Variants in CTSB observed in about 807,000 individuals in gnomAD.
The protein encoded by CTSB is APP secretase.
CTSB carries 57 observed loss-of-function variants against 44.3 expected under a neutral mutation model. The observed-to-expected ratio is 1.29, with a 90% CI of 1.04 to 1.60. The LOEUF is 1.60. Ranked by LOEUF, CTSB falls within the 40% of genes most tolerant of loss-of-function variation. The probability of loss-of-function intolerance (pLI) is 0.00; values close to 1 mark genes in which losing one functional copy is unlikely to be tolerated. For synonymous variants in CTSB, 320 were observed against 168.0 expected, an observed-to-expected ratio of 1.91 and a Z score of -7.00; for missense variants, 768 against 443.0, an observed-to-expected ratio of 1.73 and a Z score of -6.59.
At position 11,843,885 on chromosome 8, in the gene CTSB, A is replaced by T. The variant is rs756798200; in HGVS notation, c.*1240T>A. ...GTATGTACTTAAAAATACAAAAATT[A>T]CCCAGGCATATTGGTGAGTGCCTGT... On this transcript the variant is annotated 3_prime_UTR_variant, in exon 10 of 10. Coordinates refer to ENST00000353047, the MANE Select transcript of CTSB (RefSeq NM_001908.5). 1.3e-5 allele frequency: 2 copies of T among 152,098 alleles called. No individual in the cohort carries two copies. Among genetic ancestry groups the T allele is most frequent in the Non-Finnish European group, 2.9e-5 (2 of 68,032 alleles). 9.4% of individuals were successfully genotyped at this position (152,098 alleles called of 1,614,324 possible).
At chr8:11,852,139 G>C (rs547391815) in intron 3 of CTSB, among the ~76,000 whole-genome samples, 2 of 152,288 alleles carry the variant, frequency 1.3e-5, no homozygotes, top group South Asian at 2.1e-4. Flanking sequence ...ATGCCGAGTT[G>C]GGCAGATGAC....
At chr8:11,866,669 G>C (rs952290905) in intron 1 of CTSB, among the ~76,000 whole-genome samples, 1 of 152,204 alleles carries the variant, frequency 6.6e-6, no homozygotes, top group African/African-American at 2.4e-5. Context: ...AGATCTGCCT[G>C]GTCAACATGG....
Position 11,845,783 on chromosome 8 carries a change from TAC to T in CTSB, c.798_799del (p.Tyr267ProfsTer36), listed in dbSNP as rs1322725311. On this transcript the variant is annotated frameshift_variant, in exon 9 of 10. Coordinates refer to ENST00000353047, the MANE Select transcript of CTSB (RefSeq NM_001908.5). LOFTEE classifies it high-confidence loss of function. ...CATCATCTCTCCGGTGACGTGTTGG[TAC>T]ACTCCTGAAAAGGGAAGAACTGGCT... The T allele has an allele frequency of 6.2e-7, 1 of 1,613,254 alleles. No homozygotes were observed. Among genetic ancestry groups the T allele is most frequent in the Admixed American group, 1.7e-5 (1 of 59,982 alleles).
chr8:11,847,614 G>GTT (rs1813646097), intron 7 of CTSB, 65 bp downstream of exon 7: 2 of 1,482,300 alleles, frequency 1.3e-6, no homozygotes, highest in Non-Finnish European at 1.8e-6. Context: ...TCGCTGCAGC[G>GTT]TGAGGAGGGA....
rs569742053 is a variant in CTSB, at chr8:11,867,069, G to T, written c.-26+932C>A. On this transcript the variant is annotated intron_variant, in intron 1 of 9. Coordinates refer to ENST00000353047, the MANE Select transcript of CTSB (RefSeq NM_001908.5). ...GGAGGAGTGTGGGGCCTGCGCTAGG[G>T]TCCTTTTCTTTGCCAGCCTGCTGGC... is the stretch of plus-strand genomic sequence containing the variant. Among the ~76,000 whole-genome samples, 3 of 152,296 alleles carry T rather than the reference G, an allele frequency of 2.0e-5. No individual in the cohort carries two copies. The South Asian group carries it at 6.2e-4, about 32-fold the overall frequency.
chr8:11,845,724 C>G lies in CTSB; in HGVS notation c.859G>C (p.Val287Leu), dbSNP rs745768579. The change falls in exon 9 of 10, where the codon GTG (valine) becomes CTG (leucine). Residue 287 changes from valine to leucine, a missense_variant. Physicochemically the swap from Val to Leu is conservative, Grantham distance 32 (BLOSUM62 1). Transcript: ENST00000353047. ...AGCCAGTAGGGTGTGCCATTCTCCA[C>G]TCCCCAGCCCAGGATGCGGATGGCA... ...GHAIRILGWG[V>L]ENGTPYWLVA... is the part of the protein sequence containing the mutation. 1 of 1,614,028 alleles carries G rather than the reference C, an allele frequency of 6.2e-7. No individual in the cohort carries two copies. Among genetic ancestry groups the G allele is most frequent in the Non-Finnish European group, 8.5e-7 (1 of 1,179,996 alleles).
At chr8:11,847,217 C>T (rs1351420912) in intron 7 of CTSB, 49 bp from the exon 8 acceptor site, 39 of 1,159,810 alleles carry the variant, frequency 3.4e-5, no homozygotes, top group Middle Eastern at 1.9e-4. Context: ...GACCGTGCCT[C>T]GTGGCACGCC....
chr8:11,866,672 CAACATGGTGAAACCCCATCTCTACTA>C (rs1175064081), intron 1 of CTSB, among the ~76,000 whole-genome samples: 4 of 152,202 alleles, frequency 2.6e-5, no homozygotes, highest in Non-Finnish European at 5.9e-5. Flanking sequence ...TCTGCCTGGT[CAACATGGTGAAACCCCATCTCTACTA>C]AAAATACAAA....
Position 11,848,166 on chromosome 8 carries a change from C to T in CTSB, c.447-14G>A, listed in dbSNP as rs779076886. The T allele has an allele frequency of 1.9e-6, 3 of 1,612,420 alleles. No individual in the cohort carries two copies. Among genetic ancestry groups the T allele is most frequent in the Non-Finnish European group, 2.5e-6 (3 of 1,178,422 alleles). ...CCACCATTACAGCTGAAAAGACAGC[C>T]TCTAATGAAAACCTCTGAGAGAAGC... On this transcript the variant is annotated splice_polypyrimidine_tract_variant and intron_variant, in intron 5 of 9. Transcript: ENST00000353047.
intron 5 of CTSB, chr8:11,848,643 G>T: frequency 3.3e-6 from 1 of 304,904 alleles, no homozygotes. Flanking sequence ...GAGGCTGCAG[G>T]CAGCTGGAGC....
chr8:11,853,653 C>A (rs1230549713), intron 1 of CTSB, 174 bp from the exon 2 acceptor site: 1 of 596,380 alleles, frequency 1.7e-6, no homozygotes, highest in Non-Finnish European at 2.8e-6. Flanking sequence ...GCCCGAAGCA[C>A]GCCATGACCT....
At position 11,852,598 on chromosome 8, in the gene CTSB, G is replaced by A. The variant is rs896967972; in HGVS notation, c.212+12C>T. Reference sequence around the variant, plus strand: ...ACTCACATTACAGCGGTGCAGAGGAGCAGGCACTCACCTCTGGGGTGGCTT... The same window carrying A: ...ACTCACATTACAGCGGTGCAGAGGAACAGGCACTCACCTCTGGGGTGGCTT... On this transcript the variant is annotated intron_variant, in intron 3 of 9. Coordinates refer to ENST00000353047, the MANE Select transcript of CTSB (RefSeq NM_001908.5). 1 of 1,609,140 alleles carries A rather than the reference G, an allele frequency of 6.2e-7. No individual in the cohort carries two copies. The highest frequency in any genetic ancestry group is 8.5e-7 in the Non-Finnish European group (1 of 1,176,452).
Position 11,850,854 on chromosome 8 carries a change from G to A in CTSB, c.327+12C>T. On this transcript the variant is annotated intron_variant, in intron 4 of 9. Coordinates refer to ENST00000353047, the MANE Select transcript of CTSB (RefSeq NM_001908.5). Reference sequence around the variant, plus strand: ...CTCTCCAGCGCTTCCCCGCCAGCCAGCAGGGCCTTACCCAGCAGGAGCCAC... The same window carrying A: ...CTCTCCAGCGCTTCCCCGCCAGCCAACAGGGCCTTACCCAGCAGGAGCCAC... 2 of 1,597,786 alleles carry A rather than the reference G, an allele frequency of 1.3e-6. No individual in the cohort carries two copies. The highest frequency in any genetic ancestry group is 2.2e-5 in the East Asian group (1 of 44,736).
intron 1 of CTSB, among the ~76,000 whole-genome samples, chr8:11,857,302 G>C (rs1019606390): frequency 7.9e-5 from 12 of 152,160 alleles, no homozygotes; most frequent in African/African-American, 2.9e-4. Context: ...ACAGGCATGA[G>C]CCACTGGACC....
chr8:11,845,960 A>G (rs928601493), intron 8 of CTSB, among the ~76,000 whole-genome samples, 171 bp from the exon 9 acceptor site: 2 of 152,188 alleles, frequency 1.3e-5, no homozygotes, highest in East Asian at 1.9e-4. Flanking sequence ...GGAATTAAAT[A>G]TATTTTTGAA....
At position 11,865,040 on chromosome 8, in the gene CTSB, A is replaced by AT. The variant is rs544370580; in HGVS notation, c.-26+2960dup. Among the ~76,000 whole-genome samples, 369 of 152,284 alleles carry AT rather than the reference A, an allele frequency of 2.4e-3. 4 individuals carry two copies. The highest frequency in any genetic ancestry group is 8.4e-3 in the African/African-American group (351 of 41,562). On this transcript the variant is annotated intron_variant, in intron 1 of 9. Transcript: ENST00000353047. ...CCAGGGCGCAAGGTTTGCCTCCCAC[A>AT]TGCTCTTTCTCAGGCAGCCTGGGAC...
At chr8:11,848,223 C>G (rs1210728376) in intron 5 of CTSB, 71 bp from the exon 6 acceptor site, 11 of 1,430,516 alleles carry the variant, frequency 7.7e-6, no homozygotes, top group Non-Finnish European at 1.1e-5. Flanking sequence ...TGTGTGCTAC[C>G]CAAGTGCCCG....
At chr8:11,864,825 C>T (rs947082730) in intron 1 of CTSB, among the ~76,000 whole-genome samples, 1 of 151,502 alleles carries the variant, frequency 6.6e-6, no homozygotes. Flanking sequence ...GAGGCAGGAA[C>T]ATTGCTTGAA....
At chr8:11,853,648 A>G (rs1293296) in intron 1 of CTSB, 169 bp from the exon 2 acceptor site, 1 of 631,702 alleles carries the variant, frequency 1.6e-6, no homozygotes, top group South Asian at 2.5e-5. Flanking sequence ...CCCCTGCCCG[A>G]AGCACGCCAT....
Sources: gnomAD v4.1 joint callset for allele counts (sites outside exome capture counted in the v4.1 genomes callset) on GRCh38, gnomAD v4.1.1 for gene constraint, MANE v1.5 for transcripts, NCBI Gene and HGNC (gene_info 2026-07-23, HGNC 2026-07-21) for gene names.